Variants in ATRNL1 observed in about 807,000 individuals in gnomAD.
ATRNL1 encodes the protein attractin-like protein 1.
In ATRNL1, 95 loss-of-function variants were observed where a neutral mutation model predicts 182.7. That is an observed-to-expected ratio of 0.52 (90% CI 0.44 to 0.62). The LOEUF is 0.62. Ranked by LOEUF, ATRNL1 falls within the 20% of genes least tolerant of loss-of-function variation. The pLI is 0.00. For synonymous variants in ATRNL1, 576 were observed against 568.3 expected, an observed-to-expected ratio of 1.01 and a Z score of -0.19; for missense variants, 1,471 against 1,679.5, an observed-to-expected ratio of 0.88 and a Z score of 2.17.
intron 27 of ATRNL1, among the ~76,000 whole-genome samples, chr10:115,810,132 G>C (rs1301626568): frequency 6.6e-6 from 1 of 151,734 alleles, no homozygotes; most frequent in East Asian, 1.9e-4. Flanking sequence ...TGCCTTTTTA[G>C]GATTAAGCTC....
chr10:115,237,284 A>G (rs1229571290), intron 9 of ATRNL1, among the ~76,000 whole-genome samples: 2 of 152,204 alleles, frequency 1.3e-5, no homozygotes, highest in Non-Finnish European at 2.9e-5. Flanking sequence ...CCTGGATGGT[A>G]TGGTAAAGTT....
intron 24 of ATRNL1, among the ~76,000 whole-genome samples, chr10:115,496,646 C>T (rs1445500065): frequency 6.6e-6 from 1 of 152,148 alleles, no homozygotes; most frequent in Admixed American, 6.5e-5. Context: ...GCACTATAAA[C>T]TTTCCTCTTA....
rs75355832 is a variant in ATRNL1 at position 115,262,630 on chromosome 10, T to C, written c.1688-2563T>C. On this transcript the variant is annotated intron_variant, in intron 10 of 28. Transcript: ENST00000355044. Reference sequence around the variant, plus strand: ...TGTAGCATGGAAGAATATATGGTAATACATATAGCCAGCAAAGGATTAGTA... The same window carrying C: ...TGTAGCATGGAAGAATATATGGTAACACATATAGCCAGCAAAGGATTAGTA... 1.1e-4 allele frequency among the ~76,000 whole-genome samples: 16 copies of C among 152,066 alleles called. No homozygotes were observed. In the East Asian group the frequency reaches 3.1e-3, roughly 29 times the overall value.
intron 26 of ATRNL1, among the ~76,000 whole-genome samples, chr10:115,640,445 CCTGA>C (rs1371008912): frequency 6.6e-6 from 1 of 152,168 alleles, no homozygotes; most frequent in Non-Finnish European, 1.5e-5. Context: ...TCTGTTGTTT[CCTGA>C]CTTTTTAGTG....
intron 26 of ATRNL1, among the ~76,000 whole-genome samples, chr10:115,648,639 G>C (rs1020336262): frequency 2.0e-4 from 31 of 152,090 alleles, no homozygotes; most frequent in African/African-American, 7.5e-4. Context: ...AGAGCCCTCA[G>C]AGATATGTAG....
At chr10:115,867,939 A>AT (rs1951477532) in intron 28 of ATRNL1, among the ~76,000 whole-genome samples, 1 of 151,458 alleles carries the variant, frequency 6.6e-6, no homozygotes, top group African/African-American at 2.4e-5. Flanking sequence ...ATTTTTTTGT[A>AT]TTTTAGTAGT....
intron 28 of ATRNL1, among the ~76,000 whole-genome samples, chr10:115,907,183 A>G (rs1470444228): frequency 2.0e-5 from 3 of 152,214 alleles, no homozygotes; most frequent in Non-Finnish European, 4.4e-5. Flanking sequence ...TTTAATGTCC[A>G]TTCTCTTGAT....
At chr10:115,739,787 C>T (rs1375125402) in intron 27 of ATRNL1, among the ~76,000 whole-genome samples, 1 of 152,098 alleles carries the variant, frequency 6.6e-6, no homozygotes, top group Non-Finnish European at 1.5e-5. Context: ...GTAGTTATTT[C>T]CTAGTTTTTG....
chr10:115,675,362 C>A (rs370452189), intron 26 of ATRNL1, among the ~76,000 whole-genome samples: 2 of 151,778 alleles, frequency 1.3e-5, no homozygotes, highest in East Asian at 1.9e-4. Flanking sequence ...AGAGCAAGAC[C>A]CTGTCTCTTA....
At chr10:115,215,989 A>C in intron 9 of ATRNL1, 109 bp downstream of exon 9, 1 of 766,848 alleles carries the variant, frequency 1.3e-6, no homozygotes, top group Non-Finnish European at 1.9e-6. Context: ...ATTCATTGTA[A>C]ATGCTGATAT....
intron 8 of ATRNL1, among the ~76,000 whole-genome samples, chr10:115,184,873 G>A (rs1239592405): frequency 6.6e-5 from 10 of 152,020 alleles, no homozygotes; most frequent in African/African-American, 2.4e-4. Flanking sequence ...TTGACTATGT[G>A]CTCTCAGTCG....
At chr10:115,867,909 TTTTAATTTAA>T (rs1229954076) in intron 28 of ATRNL1, among the ~76,000 whole-genome samples, 2 of 151,936 alleles carry the variant, frequency 1.3e-5, no homozygotes, top group South Asian at 2.1e-4. Context: ...GCTATTTATT[TTTTAATTTAA>T]TTTAATTTAA....
At chr10:115,102,450 A>G (rs1165994148) in intron 1 of ATRNL1, among the ~76,000 whole-genome samples, 1 of 152,046 alleles carries the variant, frequency 6.6e-6, no homozygotes, top group Non-Finnish European at 1.5e-5. Flanking sequence ...ATATATACAC[A>G]TACATATATT....
intron 5 of ATRNL1, among the ~76,000 whole-genome samples, chr10:115,137,984 A>G (rs1845592349): frequency 6.6e-6 from 1 of 152,238 alleles, no homozygotes; most frequent in African/African-American, 2.4e-5. Context: ...CATTGGGTAA[A>G]TACAGCCATT....
intron 24 of ATRNL1, among the ~76,000 whole-genome samples, chr10:115,492,718 A>G (rs1592734831): frequency 7.3e-6 from 1 of 136,642 alleles, no homozygotes; most frequent in Non-Finnish European, 1.5e-5. Context: ...ATCTTGGCCC[A>G]CTGCAAGCTC....
intron 27 of ATRNL1, among the ~76,000 whole-genome samples, chr10:115,805,136 A>C (rs1205484758): frequency 6.6e-6 from 1 of 152,172 alleles, no homozygotes; most frequent in Non-Finnish European, 1.5e-5. Flanking sequence ...ATCGTAGAAG[A>C]AGCAGCCCCT....
At chr10:115,409,270 G>C (rs782209293) in intron 20 of ATRNL1, among the ~76,000 whole-genome samples, 3 of 152,020 alleles carry the variant, frequency 2.0e-5, no homozygotes, top group Non-Finnish European at 4.4e-5. Context: ...TTTCCTTGTA[G>C]AGTTCTTTCA....
chr10:115,173,872 C>T (rs1435182040), intron 8 of ATRNL1, among the ~76,000 whole-genome samples: 2 of 150,214 alleles, frequency 1.3e-5, no homozygotes, highest in African/African-American at 2.4e-5. Flanking sequence ...TTCTTGCATA[C>T]GAGAGAGTTG....
chr10:115,774,638 T>A (rs1949077562), intron 27 of ATRNL1, among the ~76,000 whole-genome samples: 1 of 152,122 alleles, frequency 6.6e-6, no homozygotes, highest in Non-Finnish European at 1.5e-5. Flanking sequence ...TTATTTCCTC[T>A]TAGCATATGT....
Sources: gnomAD v4.1 joint callset for allele counts (sites outside exome capture counted in the v4.1 genomes callset) on GRCh38, gnomAD v4.1.1 for gene constraint, MANE v1.5 for transcripts, NCBI Gene and HGNC (gene_info 2026-07-23, HGNC 2026-07-21) for gene names.